CNTN4: variants seen among roughly 807,000 people sequenced by gnomAD.
The protein encoded by CNTN4 is contactin 4, also known as contactin-4.
A neutral mutation model predicts 122.5 loss-of-function variants in CNTN4; 77 were observed. The observed-to-expected ratio is 0.63, with a 90% CI of 0.52 to 0.76. The LOEUF (loss-of-function observed/expected upper bound fraction) is 0.76. Among genes scored for constraint, CNTN4 ranks in the 30% least tolerant of loss-of-function variants. CNTN4 has a pLI of 0.00. For missense variants in CNTN4, 1,256 were observed against 1,259.1 expected (o/e 1.00, Z 0.04); for synonymous variants, 512 against 447.0 (o/e 1.15, Z -1.83).
At chr3:2,426,935 A>G (rs2047859882) in intron 3 of CNTN4, among the ~76,000 whole-genome samples, 1 of 151,818 alleles carries the variant, frequency 6.6e-6, no homozygotes, top group African/African-American at 2.4e-5. Context: ...ATCTTTTTTT[A>G]TTACGTCTAT....
At chr3:2,739,649 A>G (rs1246351428) in intron 5 of CNTN4, among the ~76,000 whole-genome samples, 1 of 152,220 alleles carries the variant, frequency 6.6e-6, no homozygotes, top group Non-Finnish European at 1.5e-5. Context: ...TTTTTCAGCT[A>G]AGCCTGAGAA....
intron 4 of CNTN4, among the ~76,000 whole-genome samples, chr3:2,666,915 T>A (rs1345159625): frequency 1.3e-5 from 2 of 152,094 alleles, no homozygotes; most frequent in Non-Finnish European, 2.9e-5. Context: ...ACAAAGGACA[T>A]GAACTCATCC....
chr3:2,302,985 C>G (rs2042578028), intron 2 of CNTN4, among the ~76,000 whole-genome samples: 1 of 152,114 alleles, frequency 6.6e-6, no homozygotes, highest in Non-Finnish European at 1.5e-5. Context: ...GCTTTGTTTA[C>G]CCATAACAGC....
intron 2 of CNTN4, among the ~76,000 whole-genome samples, chr3:2,173,305 C>T (rs13095138): frequency 0.18 from 27,908 of 152,040 alleles, 2,707 homozygotes; most frequent in South Asian, 0.23. Flanking sequence ...TGGTACTAGC[C>T]GGTTGATGGA....
At chr3:2,963,795 T>G (rs929259534) in intron 13 of CNTN4, among the ~76,000 whole-genome samples, 2 of 152,208 alleles carry the variant, frequency 1.3e-5, no homozygotes, top group Non-Finnish European at 2.9e-5. Flanking sequence ...TAGTCTCTCC[T>G]TCCACTGAAA....
At chr3:2,495,148 C>T (rs1057055820) in intron 3 of CNTN4, among the ~76,000 whole-genome samples, 5 of 152,154 alleles carry the variant, frequency 3.3e-5, no homozygotes, top group Non-Finnish European at 7.4e-5. Flanking sequence ...ACATCATAAT[C>T]AATATTTAAT....
At chr3:2,106,678 G>A (rs6775923) in intron 2 of CNTN4, among the ~76,000 whole-genome samples, 51,067 of 152,114 alleles carry the variant, frequency 0.34, 8,606 homozygotes, top group East Asian at 0.45. Context: ...GGGAGGGGCT[G>A]CCGCCAAGAT....
intron 4 of CNTN4, among the ~76,000 whole-genome samples, chr3:2,599,114 A>G (rs1008490462): frequency 1.3e-5 from 2 of 152,122 alleles, no homozygotes; most frequent in Non-Finnish European, 1.5e-5. Context: ...GACTGGGAAA[A>G]TGTATGTTGT....
rs1226589377 is a variant in CNTN4, at chr3:3,010,434, C to T, written c.1487-15668C>T. Among the ~76,000 whole-genome samples, 6 of 149,482 alleles carry T rather than the reference C, an allele frequency of 4.0e-5. No homozygotes were observed. In the East Asian group the frequency reaches 1.2e-3, roughly 29 times the overall value. ...TATTTTAACAGTAATACCTCCCAAC[C>T]ATTCTCTCTGTCTTTATAGGCTTAT... On this transcript the variant is annotated intron_variant, in intron 14 of 24. Transcript: ENST00000418658.
chr3:2,989,575 AG>A (rs1220469192), intron 14 of CNTN4, among the ~76,000 whole-genome samples: 1 of 152,224 alleles, frequency 6.6e-6, no homozygotes, highest in African/African-American at 2.4e-5. Flanking sequence ...TCTTTTGGGA[AG>A]TCTTTTTATC....
At chr3:2,534,504 C>A (rs918622128) in intron 3 of CNTN4, among the ~76,000 whole-genome samples, 2 of 152,070 alleles carry the variant, frequency 1.3e-5, no homozygotes, top group Non-Finnish European at 2.9e-5. Context: ...GAGGTTGCAT[C>A]CAGCTGCAGT....
Position 2,791,090 on chromosome 3 carries a change from G to A in CNTN4, c.359-28396G>A, listed in dbSNP as rs77347646. Among the ~76,000 whole-genome samples the A allele has an allele frequency of 8.3e-3, 1,271 of 152,248 alleles. 11 individuals are homozygous for A. Among genetic ancestry groups the A allele is most frequent in the Middle Eastern group, 0.017 (5 of 294 alleles). On this transcript the variant is annotated intron_variant, in intron 6 of 24. Transcript: ENST00000418658. ...CAAGATTTGAGTCGGCAGAATTTCA[G>A]TTTCCACAAGGACAAGCCATTTTGA...
At chr3:2,171,684 C>T (rs183671613) in intron 2 of CNTN4, among the ~76,000 whole-genome samples, 1 of 152,318 alleles carries the variant, frequency 6.6e-6, no homozygotes, top group East Asian at 1.9e-4. Flanking sequence ...CAGGTAAGTA[C>T]ACTCACTGTT....
At chr3:2,135,349 G>C (rs892762146) in intron 2 of CNTN4, among the ~76,000 whole-genome samples, 1 of 152,160 alleles carries the variant, frequency 6.6e-6, no homozygotes, top group South Asian at 2.1e-4. Context: ...TAAAATACGA[G>C]TACTATCTGA....
intron 3 of CNTN4, among the ~76,000 whole-genome samples, chr3:2,408,794 T>C (rs553782950): frequency 5.3e-5 from 8 of 152,330 alleles, no homozygotes; most frequent in African/African-American, 1.9e-4. Context: ...AGTGTCATCA[T>C]AGATTTGTGC....
In CNTN4 at chr3:3,001,052, G is replaced by A. The variant is rs189560961; in HGVS notation, c.1486+12580G>A. Among the ~76,000 whole-genome samples, 215 of 152,146 alleles carry A rather than the reference G, an allele frequency of 1.4e-3. 2 individuals are homozygous for A. Among genetic ancestry groups the A allele is most frequent in the African/African-American group, 4.8e-3 (201 of 41,500 alleles). On this transcript the variant is annotated intron_variant, in intron 14 of 24. Transcript: ENST00000418658. ...ATTTAATCATATGTTGGGATTTGAA[G>A]GGGTTCAATAAACAGTACCTTGTTC...
chr3:2,311,949 A>G (rs368912786), intron 2 of CNTN4, among the ~76,000 whole-genome samples: 2 of 152,160 alleles, frequency 1.3e-5, no homozygotes, highest in Non-Finnish European at 1.5e-5. Context: ...AAGGATGTGT[A>G]TCTGACATAT....
At chr3:2,384,665 ACT>A (rs2046169260) in intron 3 of CNTN4, among the ~76,000 whole-genome samples, 1 of 151,762 alleles carries the variant, frequency 6.6e-6, no homozygotes, top group Admixed American at 6.6e-5. Flanking sequence ...CCTGAATAGG[ACT>A]CTCACATCTC....
At position 2,345,905 on chromosome 3, in the gene CNTN4, A is replaced by T. The variant is rs577975518; in HGVS notation, c.-89+6672A>T. 4.6e-5 allele frequency among the ~76,000 whole-genome samples: 7 copies of T among 152,262 alleles called. 1 individual carries two copies. In the South Asian group the frequency reaches 1.4e-3, roughly 32 times the overall value. On this transcript the variant is annotated intron_variant, in intron 3 of 24. Transcript: ENST00000418658. ...TTTATTCCTGATGATGCTTGTTGACAAAATATTACTTCATTTAAATTAAAT... is the reference window on the plus strand; with the variant it reads ...TTTATTCCTGATGATGCTTGTTGACTAAATATTACTTCATTTAAATTAAAT...
Sources: allele counts gnomAD v4.1 joint callset (sites outside exome capture counted in the v4.1 genomes callset), GRCh38; gene constraint gnomAD v4.1.1; transcripts MANE v1.5; gene names NCBI Gene and HGNC (gene_info 2026-07-23, HGNC 2026-07-21).